Variants in ALDH1A2 observed in about 807,000 individuals in gnomAD.
ALDH1A2 encodes retinal dehydrogenase 2.
Under a neutral mutation model 60.3 loss-of-function variants are expected in ALDH1A2, and 27 were observed. That is an observed-to-expected ratio of 0.45 (90% CI 0.33 to 0.62). The LOEUF (loss-of-function observed/expected upper bound fraction) is 0.62, where lower values mean the gene tolerates loss of function less well. ALDH1A2 is among the 20% of genes least tolerant of loss of function. The probability of loss-of-function intolerance (pLI) is 0.02; values close to 1 mark genes in which losing one functional copy is unlikely to be tolerated. For missense variants in ALDH1A2, 581 were observed against 643.8 expected (o/e 0.90, Z 1.06); for synonymous variants, 289 against 232.4 (o/e 1.24, Z -2.21).
chr15:57,980,325 C>A, intron 7 of ALDH1A2: 1 of 428,052 alleles, frequency 2.3e-6, no homozygotes, highest in Admixed American at 2.4e-5. Context: ...AGGTTGTTGG[C>A]CTTGAACAGG....
chr15:57,975,941 C>G (rs922734319), intron 7 of ALDH1A2, among the ~76,000 whole-genome samples: 2 of 151,886 alleles, frequency 1.3e-5, no homozygotes, highest in African/African-American at 4.8e-5. Context: ...TACACATGGC[C>G]AAGACTTATC....
chr15:57,972,575 G>T (rs1225694298), intron 7 of ALDH1A2, among the ~76,000 whole-genome samples: 1 of 144,796 alleles, frequency 6.9e-6, no homozygotes, highest in Non-Finnish European at 1.5e-5. Flanking sequence ...AAAGCTAACT[G>T]CAGAATCTTT....
At chr15:57,956,460 C>T (rs1001600964) in intron 12 of ALDH1A2, among the ~76,000 whole-genome samples, 12 of 152,204 alleles carry the variant, frequency 7.9e-5, no homozygotes, top group Admixed American at 7.2e-4. Flanking sequence ...GCCCCCATGG[C>T]CTACATAAGG....
intron 1 of ALDH1A2, among the ~76,000 whole-genome samples, chr15:58,034,521 G>C (rs1167529441): frequency 6.6e-6 from 1 of 151,556 alleles, no homozygotes; most frequent in Admixed American, 6.6e-5. Context: ...CAGCAAGAGG[G>C]GGTAGCCTGT....
chr15:58,007,198 C>T (rs146615234), intron 4 of ALDH1A2, among the ~76,000 whole-genome samples: 1 of 151,964 alleles, frequency 6.6e-6, no homozygotes, highest in Non-Finnish European at 1.5e-5. Flanking sequence ...ATGTTGTGAT[C>T]AGAAGCTCAC....
At chr15:58,005,628 G>A (rs1458810950) in intron 4 of ALDH1A2, among the ~76,000 whole-genome samples, 1 of 151,924 alleles carries the variant, frequency 6.6e-6, no homozygotes, top group Non-Finnish European at 1.5e-5. Flanking sequence ...GTTGTTTAGT[G>A]TTAGAGATGT....
At chr15:57,959,010 T>C (rs1381035789) in intron 12 of ALDH1A2, among the ~76,000 whole-genome samples, 2 of 152,188 alleles carry the variant, frequency 1.3e-5, no homozygotes, top group African/African-American at 4.8e-5. Flanking sequence ...CCAAACTGTC[T>C]CCTGGACCAC....
At chr15:57,960,382 C>A (rs917013563) in intron 12 of ALDH1A2, among the ~76,000 whole-genome samples, 1 of 152,114 alleles carries the variant, frequency 6.6e-6, no homozygotes. Context: ...CAGTTTCTTT[C>A]AAAAGGAGGG....
Position 57,966,763 on chromosome 15 carries a change from C to G in ALDH1A2, c.799-936G>C, listed in dbSNP as rs201320603. ...TGATGACCCAAGTGACTGGCAGAGG[C>G]TGTGTCAGGCCTGTGTTGCAGTTCC... On this transcript the variant is annotated intron_variant, in intron 7 of 12. Transcript: ENST00000249750. Among the ~76,000 whole-genome samples, 8 of 152,332 alleles carry G rather than the reference C, an allele frequency of 5.3e-5. No homozygotes were observed. In the East Asian group the frequency reaches 1.4e-3, roughly 26 times the overall value.
chr15:58,040,278 T>C (rs1896484410), intron 1 of ALDH1A2, among the ~76,000 whole-genome samples: 1 of 151,866 alleles, frequency 6.6e-6, no homozygotes, highest in African/African-American at 2.4e-5. Context: ...GCAGAATTGT[T>C]TGATAAGTAC....
intron 1 of ALDH1A2, among the ~76,000 whole-genome samples, chr15:58,046,967 G>C (rs536654203): frequency 1.7e-4 from 26 of 152,156 alleles, no homozygotes; most frequent in African/African-American, 5.8e-4. Context: ...TCAAAACAGT[G>C]AAACTTACTA....
intron 1 of ALDH1A2, among the ~76,000 whole-genome samples, chr15:58,026,627 T>G (rs1245469415): frequency 6.6e-6 from 1 of 152,178 alleles, no homozygotes; most frequent in Non-Finnish European, 1.5e-5. Context: ...AGGGAAGCCA[T>G]GACAGATTGT....
intron 4 of ALDH1A2, among the ~76,000 whole-genome samples, chr15:58,003,270 G>A (rs1055428777): frequency 2.0e-5 from 3 of 151,758 alleles, no homozygotes; most frequent in African/African-American, 7.3e-5. Context: ...AGCAAGCCCT[G>A]GTTGTTGTTA....
Position 57,960,808 on chromosome 15 carries a change from G to A in ALDH1A2, c.1446C>T (p.Pro482=). 1.9e-6 allele frequency: 3 copies of A among 1,613,982 alleles called. No homozygotes were observed. Among genetic ancestry groups the A allele is most frequent in the East Asian group, 2.2e-5 (1 of 44,872 alleles). The part of the protein sequence containing the change: ...NCYNALNAQS[P]FGGFKMSGNG... ...TTCCAGACATCTTGAATCCCCCAAA[G>A]GGGCTCTGGGCATTTAAGGCATTGT... Residue 482 remains proline (P), a synonymous_variant, in exon 12 of 13, where the codon CCC becomes CCT. Coordinates refer to ENST00000249750, the MANE Select transcript of ALDH1A2 (RefSeq NM_003888.4).
intron 7 of ALDH1A2, among the ~76,000 whole-genome samples, chr15:57,967,760 G>A (rs1209570653): frequency 2.0e-5 from 3 of 152,186 alleles, no homozygotes; most frequent in Admixed American, 2.0e-4. Flanking sequence ...TTTGATGGGT[G>A]AGCTGTGGCC....
intron 7 of ALDH1A2, chr15:57,979,675 C>A: frequency 4.6e-6 from 1 of 219,034 alleles, no homozygotes; most frequent in Non-Finnish European, 1.0e-5. Flanking sequence ...CCCAAAAACC[C>A]AGAAAGGGAG....
chr15:57,991,369 GAAAC>G (rs1443208084), intron 7 of ALDH1A2: 65 of 152,128 alleles, frequency 4.3e-4, no homozygotes, highest in African/African-American at 1.0e-3. Flanking sequence ...AAAATATTTG[GAAAC>G]AAACAAGGTT....
chr15:57,961,683 TCTCCTGGTTAACATCCCAGTGACCCA>T (rs2140449754), intron 10 of ALDH1A2, among the ~76,000 whole-genome samples: 2 of 152,272 alleles, frequency 1.3e-5, no homozygotes, highest in East Asian at 3.9e-4. Context: ...GTGGATTCTC[TCTCCTGGTTAACATCCCAGTGACCCA>T]CATTTAGGAG....
intron 1 of ALDH1A2, among the ~76,000 whole-genome samples, chr15:58,063,982 T>C (rs529116075): frequency 5.3e-5 from 8 of 152,268 alleles, no homozygotes; most frequent in African/African-American, 1.9e-4. Flanking sequence ...CCAAATTAAA[T>C]TCTGAAAAAC....
Sources: allele counts gnomAD v4.1 joint callset (sites outside exome capture counted in the v4.1 genomes callset), GRCh38; gene constraint gnomAD v4.1.1; transcripts MANE v1.5; gene names NCBI Gene and HGNC (gene_info 2026-07-23, HGNC 2026-07-21).